RAD17: variants seen among roughly 807,000 people sequenced by gnomAD.
RAD17 encodes the protein RAD17 checkpoint clamp loader component, also known as cell cycle checkpoint protein RAD17.
A neutral mutation model predicts 81.5 loss-of-function variants in RAD17; 31 were observed. The ratio of observed to expected loss-of-function variants is 0.38; its 90% CI spans 0.29 to 0.51. The LOEUF is 0.51. Among genes scored for constraint, RAD17 ranks in the 20% least tolerant of loss-of-function variants. The pLI, the probability that RAD17 is intolerant of heterozygous loss-of-function variation, is 0.88. For missense variants in RAD17, 681 were observed against 781.2 expected (o/e 0.87, Z 1.53); for synonymous variants, 261 against 266.2 (o/e 0.98, Z 0.19).
At chr5:69,393,297 T>C in intron 14 of RAD17, 57 bp downstream of exon 14, 1 of 1,566,568 alleles carries the variant, frequency 6.4e-7, no homozygotes, top group Non-Finnish European at 8.7e-7. Context: ...TTCGTGTGCA[T>C]ATATATTTGA....
At chr5:69,376,121 T>C (rs986633525) in intron 6 of RAD17, among the ~76,000 whole-genome samples, 1 of 152,212 alleles carries the variant, frequency 6.6e-6, no homozygotes, top group East Asian at 1.9e-4. Context: ...GTTCTCCTGC[T>C]GTCTTAAGTT....
chr5:69,409,175 C>T (rs1765815049), intron 17 of RAD17, among the ~76,000 whole-genome samples: 1 of 152,118 alleles, frequency 6.6e-6, no homozygotes, highest in African/African-American at 2.4e-5. Flanking sequence ...GGTGGGTGCC[C>T]AGCTGCAGAG....
intron 1 of RAD17, chr5:69,370,422 C>T (rs1762872976): frequency 6.6e-6 from 1 of 152,298 alleles, no homozygotes; most frequent in South Asian, 2.1e-4. Context: ...GGAGTGCAAC[C>T]TCCGCCTCCT....
At chr5:69,375,617 CTTCAG>C (rs2150772512) in intron 6 of RAD17, among the ~76,000 whole-genome samples, 1 of 81,176 alleles carries the variant, frequency 1.2e-5, no homozygotes, top group East Asian at 3.7e-4. Flanking sequence ...CTTTTAGATA[CTTCAG>C]TATGTCTGTT....
chr5:69,371,929 GT>G, intron 3 of RAD17, 104 bp from the exon 4 acceptor site: 1 of 536,786 alleles, frequency 1.9e-6, no homozygotes, highest in South Asian at 5.4e-5. Context: ...GGGTCAGACA[GT>G]TTCATGCATG....
At chr5:69,384,363 G>A (rs1269705396) in intron 7 of RAD17, among the ~76,000 whole-genome samples, 2 of 150,628 alleles carry the variant, frequency 1.3e-5, no homozygotes, top group African/African-American at 4.9e-5. Flanking sequence ...CTGGAGTGCA[G>A]TGACACAATC....
At chr5:69,399,274 A>C (rs2150855940) in intron 16 of RAD17, among the ~76,000 whole-genome samples, 1 of 152,252 alleles carries the variant, frequency 6.6e-6, no homozygotes, top group East Asian at 1.9e-4. Flanking sequence ...ATGAAAGTGA[A>C]GTATAACACT....
At position 69,381,996 on chromosome 5, in the gene RAD17, G is replaced by C. The variant is rs768589147; in HGVS notation, c.447G>C (p.Glu149Asp). 14 of 1,610,292 alleles carry C rather than the reference G, an allele frequency of 8.7e-6. No individual in the cohort carries two copies. The highest frequency in any genetic ancestry group is 5.9e-6 in the Non-Finnish European group (7 of 1,176,660). Residue 149 changes from glutamate to aspartate, a missense_variant, in exon 7 of 19, where the codon GAG becomes GAC. Transcript: ENST00000354868. Reference sequence around the variant, plus strand: ...AGGAGCATGGTATTCAAGTACAAGAGTGGATTAATCCAGTTTTACCAGACT... The same window carrying C: ...AGGAGCATGGTATTCAAGTACAAGACTGGATTAATCCAGTTTTACCAGACT... The part of the protein sequence containing the change: ...LSKEHGIQVQ[E>D]WINPVLPDFQ...
At chr5:69,394,447 A>G (rs917595978) in intron 15 of RAD17, among the ~76,000 whole-genome samples, 1 of 152,166 alleles carries the variant, frequency 6.6e-6, no homozygotes, top group Non-Finnish European at 1.5e-5. Flanking sequence ...AGAACTGTAC[A>G]TGTTGCTACA....
At chr5:69,377,624 C>CATATATATATGCAT (rs878941680) in intron 6 of RAD17, among the ~76,000 whole-genome samples, 25 of 1,646 alleles carry the variant, frequency 0.015, 7 homozygotes, top group African/African-American at 0.059. Flanking sequence ...CATATATATG[C>CATATATATATGCAT]ATATATATGT....
At chr5:69,379,349 G>A (rs1763705335) in intron 6 of RAD17, among the ~76,000 whole-genome samples, 1 of 152,190 alleles carries the variant, frequency 6.6e-6, no homozygotes, top group African/African-American at 2.4e-5. Flanking sequence ...AAATGGTTAA[G>A]TCAGTGACTG....
At chr5:69,409,711 C>CT (rs751882665) in intron 17 of RAD17, among the ~76,000 whole-genome samples, 7 of 152,092 alleles carry the variant, frequency 4.6e-5, no homozygotes, top group Non-Finnish European at 7.4e-5. Flanking sequence ...AGTTTATCAT[C>CT]TTAACCATTT....
In RAD17 at chr5:69,393,343, T is replaced by G. The variant is rs756945509; in HGVS notation, c.1276-11T>G. On this transcript the variant is annotated splice_polypyrimidine_tract_variant and intron_variant, in intron 14 of 18. Coordinates refer to ENST00000354868, the MANE Select transcript of RAD17 (RefSeq NM_133338.3). Reference sequence around the variant, plus strand: ...TTTACCAAATTTATGTATATATGCTTCTTTTTATAGGAGGTAGTAGAAATG... The same window carrying G: ...TTTACCAAATTTATGTATATATGCTGCTTTTTATAGGAGGTAGTAGAAATG... 11 of 1,586,262 alleles carry G rather than the reference T, an allele frequency of 6.9e-6. No individual in the cohort carries two copies. In the East Asian group the frequency reaches 1.8e-4, roughly 26 times the overall value.
intron 15 of RAD17, among the ~76,000 whole-genome samples, chr5:69,395,706 A>G (rs1764840616): frequency 6.6e-6 from 1 of 152,192 alleles, no homozygotes; most frequent in Non-Finnish European, 1.5e-5. Context: ...TTAAAAAAAA[A>G]TGATAGTACA....
intron 6 of RAD17, among the ~76,000 whole-genome samples, chr5:69,379,246 AT>A (rs895297039): frequency 9.2e-5 from 14 of 152,160 alleles, no homozygotes; most frequent in African/African-American, 3.4e-4. Flanking sequence ...CAAAAAAAAA[AT>A]ATTTTTTGGT....
intron 15 of RAD17, among the ~76,000 whole-genome samples, chr5:69,394,637 C>T (rs748563558): frequency 3.3e-5 from 5 of 152,084 alleles, no homozygotes; most frequent in Admixed American, 6.6e-5. Flanking sequence ...GCCACATCTC[C>T]AGTACTTGAT....
upstream of RAD17, chr5:69,369,584 G>T (rs1762778276): frequency 8.8e-6 from 14 of 1,599,088 alleles, no homozygotes; most frequent in South Asian, 1.6e-4. Context: ...AAAGCCCACG[G>T]CCCCAAAGGC....
chr5:69,375,794 G>A (rs1763296932), intron 6 of RAD17, among the ~76,000 whole-genome samples: 1 of 151,148 alleles, frequency 6.6e-6, no homozygotes, highest in Admixed American at 6.6e-5. Flanking sequence ...AACAGGATAG[G>A]ATCACACGTT....
chr5:69,388,904 A>G lies in RAD17; in HGVS notation c.895-130A>G, dbSNP rs1424731758. 6.0e-6 allele frequency: 3 copies of G among 502,286 alleles called. No homozygotes were observed. The Admixed American group carries it at 1.2e-4, about 19-fold the overall frequency. 31.1% of individuals were successfully genotyped at this position (502,286 alleles called of 1,614,324 possible). A position where few individuals can be genotyped will look rare whatever the true frequency, so the allele number is the denominator to read the frequency against. ...ATTATAGGAATGTGCCACCGTGCCC[A>G]GCCCTTTTTAGTATTTAAGTTTAAA... On this transcript the variant is annotated intron_variant, in intron 11 of 18. Coordinates refer to ENST00000354868, the MANE Select transcript of RAD17 (RefSeq NM_133338.3).
Sources: allele counts gnomAD v4.1 joint callset (sites outside exome capture counted in the v4.1 genomes callset), GRCh38; gene constraint gnomAD v4.1.1; transcripts MANE v1.5; gene names NCBI Gene and HGNC (gene_info 2026-07-23, HGNC 2026-07-21).